Variants in SH3TC2 observed in about 807,000 individuals in gnomAD.
SH3TC2 encodes the protein SH3 domain and tetratricopeptide repeats 2, also known as SH3 domain and tetratricopeptide repeat-containing protein 2.
A neutral mutation model predicts 124.5 loss-of-function variants in SH3TC2; 87 were observed. The observed-to-expected ratio is 0.70, with a 90% CI of 0.59 to 0.84. SH3TC2 has a LOEUF of 0.84. SH3TC2 is among the 40% of genes least tolerant of loss of function. The pLI is 0.00. For missense variants in SH3TC2, 1,536 were observed against 1,566.4 expected (o/e 0.98, Z 0.33); for synonymous variants, 634 against 628.5 (o/e 1.01, Z -0.13).
rs1388170970 is a variant in SH3TC2 at position 148,985,856 on chromosome 5, T to G, written c.*18855A>C. Among the ~76,000 whole-genome samples the G allele has an allele frequency of 1.3e-5, 2 of 152,212 alleles. No individual in the cohort carries two copies. The highest frequency in any genetic ancestry group is 2.9e-5 in the Non-Finnish European group (2 of 68,042). On this transcript the variant is annotated 3_prime_UTR_variant, in exon 17 of 17. Coordinates refer to ENST00000515425, the MANE Select transcript of SH3TC2 (RefSeq NM_024577.4). ...CACTTTTATTTTTCAATGTGTGGAATGTCATTTTTATATAGATTTGGCCCA... is the reference window on the plus strand; with the variant it reads ...CACTTTTATTTTTCAATGTGTGGAAGGTCATTTTTATATAGATTTGGCCCA...
chr5:149,013,319 G>A lies in SH3TC2; in HGVS notation c.3054-585C>T, dbSNP rs74919252. Among the ~76,000 whole-genome samples, 258 of 152,090 alleles carry A rather than the reference G, an allele frequency of 1.7e-3. 3 individuals are homozygous for A. In the East Asian group the frequency reaches 0.03, roughly 18 times the overall value. On this transcript the variant is annotated intron_variant, in intron 12 of 16. Transcript: ENST00000515425. ...ATGAGATCTGATGGTTGTATCAAGG[G>A]TAGTTCCCCTGCCATTTAAGATGTG...
At chr5:149,041,687 G>A in intron 5 of SH3TC2, 70 bp from the exon 6 acceptor site, 1 of 1,518,182 alleles carries the variant, frequency 6.6e-7, no homozygotes, top group Non-Finnish European at 9.1e-7. Flanking sequence ...ATCACACAAA[G>A]TAATGCTTCT....
chr5:149,023,645 G>A (rs1327028381), intron 12 of SH3TC2, among the ~76,000 whole-genome samples: 1 of 145,372 alleles, frequency 6.9e-6, no homozygotes, highest in East Asian at 2.0e-4. Context: ...GTGCTGTGGT[G>A]TGACCTCGGC....
At chr5:149,050,073 C>T (rs1754530716) in intron 2 of SH3TC2, among the ~76,000 whole-genome samples, 1 of 152,152 alleles carries the variant, frequency 6.6e-6, no homozygotes, top group African/African-American at 2.4e-5. Context: ...ACAAACAGGG[C>T]ATTTGGTGTG....
At chr5:149,011,723 T>C (rs1393094897) in intron 13 of SH3TC2, among the ~76,000 whole-genome samples, 2 of 152,172 alleles carry the variant, frequency 1.3e-5, no homozygotes, top group African/African-American at 4.8e-5. Context: ...GAAGTGAATT[T>C]GTGCAAGTTT....
chr5:149,017,338 G>C (rs147021863), intron 12 of SH3TC2, among the ~76,000 whole-genome samples: 7 of 152,252 alleles, frequency 4.6e-5, no homozygotes, highest in African/African-American at 1.7e-4. Flanking sequence ...CAGAAGACAA[G>C]ACTCCCTAAG....
intron 1 of SH3TC2, among the ~76,000 whole-genome samples, chr5:149,056,460 G>A (rs1754649681): frequency 1.3e-5 from 2 of 152,128 alleles, no homozygotes; most frequent in African/African-American, 4.8e-5. Flanking sequence ...TTTTATGGCT[G>A]TATAGTATTC....
intron 1 of SH3TC2, among the ~76,000 whole-genome samples, chr5:149,056,304 C>T (rs771650360): frequency 2.0e-5 from 3 of 152,072 alleles, no homozygotes; most frequent in Non-Finnish European, 2.9e-5. Context: ...TGTTGTTTTC[C>T]TCTTTGTGTT....
rs1337500960 is a variant in SH3TC2, at chr5:148,985,467, C to T, written c.*19244G>A. 6.6e-6 allele frequency among the ~76,000 whole-genome samples: 1 copy of T among 152,184 alleles called. No homozygotes were observed. The highest frequency in any genetic ancestry group is 6.6e-5 in the Admixed American group (1 of 15,260). On this transcript the variant is annotated 3_prime_UTR_variant, in exon 17 of 17. Transcript: ENST00000515425. Reference sequence around the variant, plus strand: ...CATATGGATTATATACAGTATGTAGCATTTTAAGTCTGACTTCCTCTAATT... The same window carrying T: ...CATATGGATTATATACAGTATGTAGTATTTTAAGTCTGACTTCCTCTAATT...
chr5:149,035,044 T>C (rs1361810081), intron 8 of SH3TC2, among the ~76,000 whole-genome samples: 1 of 152,158 alleles, frequency 6.6e-6, no homozygotes, highest in Non-Finnish European at 1.5e-5. Flanking sequence ...AGATACTCTA[T>C]GAAGAAGAAG....
chr5:149,045,128 C>T (rs1488197731), intron 3 of SH3TC2: 1 of 156,592 alleles, frequency 6.4e-6, no homozygotes, highest in Non-Finnish European at 1.4e-5. Context: ...ATAATCATCC[C>T]TAGTCCCTAC....
chr5:149,043,165 TG>T (rs1224346529), intron 4 of SH3TC2, among the ~76,000 whole-genome samples: 1 of 152,184 alleles, frequency 6.6e-6, no homozygotes, highest in African/African-American at 2.4e-5. Context: ...AAGTTTACAG[TG>T]TTGACTATGG....
chr5:149,040,801 C>T lies in SH3TC2; in HGVS notation c.732-124G>A, dbSNP rs543326517. The T allele has an allele frequency of 1.0e-5, 9 of 863,126 alleles. No individual in the cohort carries two copies. The African/African-American group carries it at 1.3e-4, about 13-fold the overall frequency. 53.5% of individuals were successfully genotyped at this position (863,126 alleles called of 1,614,324 possible). ...GTTTTTTCTCTTATTTAAATGATGG[C>T]AAAAGTTTATTGAGAACTTACTTTC... is the stretch of plus-strand genomic sequence containing the variant. On this transcript the variant is annotated intron_variant, in intron 6 of 16. Transcript: ENST00000515425.
intron 1 of SH3TC2, chr5:149,057,488 G>A (rs1421578593): frequency 6.6e-6 from 1 of 152,184 alleles, no homozygotes; most frequent in East Asian, 1.9e-4. Flanking sequence ...GTGTGCCCTG[G>A]TGATTTGCTG....
Position 149,004,598 on chromosome 5 carries a change from T to C in SH3TC2, c.*113A>G, listed in dbSNP as rs182773890. On this transcript the variant is annotated 3_prime_UTR_variant, in exon 17 of 17. Transcript: ENST00000515425. ...GGACTTCATTCTTCTTCTTGTGAAA[T>C]GAGGGGGCTAGGCCAGGTAAGGACT... The C allele has an allele frequency of 2.3e-4, 248 of 1,097,416 alleles. 1 individual carries two copies. In the African/African-American group the frequency reaches 3.2e-3, roughly 14 times the overall value. The allele number at this position is 1,097,416 out of a possible 1,614,324, so 68.0% of individuals were successfully genotyped here.
chr5:149,050,107 T>C (rs1451677322), intron 2 of SH3TC2, among the ~76,000 whole-genome samples: 2 of 152,142 alleles, frequency 1.3e-5, no homozygotes, highest in African/African-American at 4.8e-5. Context: ...TGCACATGAA[T>C]CTATGTATAT....
In SH3TC2 at chr5:148,998,028, C is replaced by T. The variant is rs1477476530; in HGVS notation, c.*6683G>A. The stretch of plus-strand genomic sequence containing the variant: ...CCCTCCTGCACTTTTTTAGAGACCA[C>T]CCTCCAGGTCAGCACTTTTCAAACT... On this transcript the variant is annotated 3_prime_UTR_variant, in exon 17 of 17. Coordinates refer to ENST00000515425, the MANE Select transcript of SH3TC2 (RefSeq NM_024577.4). 6.6e-6 allele frequency among the ~76,000 whole-genome samples: 1 copy of T among 152,140 alleles called. No individual in the cohort carries two copies. Among genetic ancestry groups the T allele is most frequent in the Non-Finnish European group, 1.5e-5 (1 of 68,028 alleles).
chr5:149,044,532 C>A lies in SH3TC2; in HGVS notation c.385+1G>T, dbSNP rs2127401413. On this transcript the variant is annotated splice_donor_variant, in intron 4 of 16. Transcript: ENST00000515425. LOFTEE classifies it high-confidence loss of function. Reference sequence around the variant, plus strand: ...CTCCACCTGCTTGCCTTGTACCATACCTAAATTAAGGTAGGTGGAGAACTT... The same window carrying A: ...CTCCACCTGCTTGCCTTGTACCATAACTAAATTAAGGTAGGTGGAGAACTT... The A allele has an allele frequency of 6.2e-7, 1 of 1,612,654 alleles. No individual in the cohort carries two copies. The highest frequency in any genetic ancestry group is 8.5e-7 in the Non-Finnish European group (1 of 1,178,848).
Position 149,000,236 on chromosome 5 carries a change from C to T in SH3TC2, c.*4475G>A, listed in dbSNP as rs1159253264. Among the ~76,000 whole-genome samples, 1 of 152,168 alleles carries T rather than the reference C, an allele frequency of 6.6e-6. No individual in the cohort carries two copies. Among genetic ancestry groups the T allele is most frequent in the Admixed American group, 6.5e-5 (1 of 15,278 alleles). On this transcript the variant is annotated 3_prime_UTR_variant, in exon 17 of 17. Coordinates refer to ENST00000515425, the MANE Select transcript of SH3TC2 (RefSeq NM_024577.4). ...TCCCCACTTCCCTGAAATGTGTGCC[C>T]AAACCTGGCATTGAATGACACTGAC...
Sources: allele counts gnomAD v4.1 joint callset (sites outside exome capture counted in the v4.1 genomes callset), GRCh38; gene constraint gnomAD v4.1.1; transcripts MANE v1.5; gene names NCBI Gene and HGNC (gene_info 2026-07-23, HGNC 2026-07-21).